MYLK: variants seen among roughly 807,000 people sequenced by gnomAD.
MYLK encodes the protein myosin light chain kinase, also known as myosin light chain kinase, smooth muscle.
A neutral mutation model predicts 203.4 loss-of-function variants in MYLK; 106 were observed. The observed-to-expected ratio is 0.52, with a 90% CI of 0.45 to 0.61. The LOEUF (loss-of-function observed/expected upper bound fraction) is 0.61. Ranked by LOEUF, MYLK falls within the 20% of genes least tolerant of loss-of-function variation. The pLI is 0.00. For missense variants in MYLK, 2,072 were observed against 2,442.3 expected (o/e 0.85, Z 3.20); for synonymous variants, 867 against 959.5 (o/e 0.90, Z 1.78).
At chr3:123,827,660 T>G (rs1298671190) in intron 3 of MYLK, among the ~76,000 whole-genome samples, 1 of 130,342 alleles carries the variant, frequency 7.7e-6, no homozygotes. Flanking sequence ...GCTCAAGGGA[T>G]TCTTACATCT....
chr3:123,776,091 G>A (rs765119521), intron 4 of MYLK, among the ~76,000 whole-genome samples: 78 of 152,242 alleles, frequency 5.1e-4, no homozygotes, highest in Non-Finnish European at 1.0e-3. Context: ...CCTCCTGACC[G>A]CTTGGTACCT....
intron 13 of MYLK, among the ~76,000 whole-genome samples, chr3:123,719,431 C>T (rs1417847718): frequency 1.3e-5 from 2 of 152,184 alleles, no homozygotes; most frequent in African/African-American, 2.4e-5. Flanking sequence ...TTTGGGAAAA[C>T]CCCTCCTCAG....
rs1320883900 is a variant in MYLK at position 123,700,761 on chromosome 3, T to G, written c.2707A>C (p.Lys903Gln). 2.5e-6 allele frequency: 4 copies of G among 1,614,160 alleles called. No individual in the cohort carries two copies. The highest frequency in any genetic ancestry group is 3.4e-6 in the Non-Finnish European group (4 of 1,180,030). ...GATAGGGTCTTTGTACTCACCTTCT[T>G]CCCCAGGAGGTCTCGGAAGTCCAGC... ...EQLDFRDLLGKKVSTKTLSED... is the reference protein window; with the variant it reads ...EQLDFRDLLGQKVSTKTLSED... The change falls in exon 18 of 34, where the codon AAG becomes CAG. Residue 903 changes from lysine to glutamine, a missense_variant. Coordinates refer to ENST00000360304, the MANE Select transcript of MYLK (RefSeq NM_053025.4).
intron 24 of MYLK, among the ~76,000 whole-genome samples, chr3:123,649,655 C>T (rs1403666830): frequency 6.6e-6 from 1 of 152,178 alleles, no homozygotes; most frequent in African/African-American, 2.4e-5. Context: ...ATCTTGAATG[C>T]CAGTTATTGT....
intron 3 of MYLK, among the ~76,000 whole-genome samples, chr3:123,797,405 CAT>C (rs1033068852): frequency 6.6e-6 from 1 of 152,106 alleles, no homozygotes; most frequent in Admixed American, 6.5e-5. Flanking sequence ...GCAGCAGTTA[CAT>C]GAGTGGGGCA....
chr3:123,714,904 T>C (rs820345), intron 13 of MYLK, among the ~76,000 whole-genome samples: 149,573 of 152,294 alleles, frequency 0.98, 73,500 homozygotes, highest in Middle Eastern at 1. Flanking sequence ...CCCAAGCAGA[T>C]TGCTGACAAG....
intron 7 of MYLK, among the ~76,000 whole-genome samples, chr3:123,738,157 G>A (rs1219674542): frequency 2.0e-5 from 3 of 151,600 alleles, no homozygotes; most frequent in African/African-American, 7.3e-5. Context: ...CTATCTCACC[G>A]ATAAGGAAAC....
chr3:123,616,956 A>C (rs2057533068), intron 33 of MYLK: 2 of 152,326 alleles, frequency 1.3e-5, no homozygotes, highest in South Asian at 4.1e-4. Context: ...TAAAAATTAT[A>C]CATAAGAAAT....
intron 3 of MYLK, among the ~76,000 whole-genome samples, chr3:123,828,869 C>A (rs992565138): frequency 3.3e-5 from 5 of 152,100 alleles, no homozygotes; most frequent in Admixed American, 6.5e-5. Flanking sequence ...CACTAATCAT[C>A]AGGGAAATAC....
intron 12 of MYLK, among the ~76,000 whole-genome samples, chr3:123,724,057 T>C (rs937685722): frequency 1.3e-5 from 2 of 152,206 alleles, no homozygotes. Context: ...GTCTATTCTT[T>C]TACTTTTTGA....
At chr3:123,883,591 A>G (rs1370342625) in intron 1 of MYLK, among the ~76,000 whole-genome samples, 2 of 152,198 alleles carry the variant, frequency 1.3e-5, no homozygotes, top group Admixed American at 6.5e-5. Flanking sequence ...TTGACAACTC[A>G]CATCTCCTGA....
At chr3:123,767,936 G>A (rs1383370511) in intron 4 of MYLK, among the ~76,000 whole-genome samples, 1 of 152,232 alleles carries the variant, frequency 6.6e-6, no homozygotes, top group Non-Finnish European at 1.5e-5. Flanking sequence ...ACTCTAGAGA[G>A]TCCTCTTCAG....
intron 24 of MYLK, among the ~76,000 whole-genome samples, chr3:123,650,735 G>A (rs2059183732): frequency 6.6e-6 from 1 of 152,160 alleles, no homozygotes; most frequent in Non-Finnish European, 1.5e-5. Flanking sequence ...TCCACATGTT[G>A]GAGAGTTAAG....
Position 123,793,773 on chromosome 3 carries a change from T to A in MYLK, c.69A>T (p.Arg23Ser), listed in dbSNP as rs146297620. The A allele has an allele frequency of 2.9e-5, 47 of 1,613,504 alleles. No homozygotes were observed. The African/African-American group carries it at 6.0e-4, about 21-fold the overall frequency. Reference sequence around the variant, plus strand: ...CCTCTGTCAGGGGCATGGAGTCAACTCTTGAGGGATCCACACTGAGGGAGG... The same window carrying A: ...CCTCTGTCAGGGGCATGGAGTCAACACTTGAGGGATCCACACTGAGGGAGG... ...SKTSLSVDPS[R>S]VDSMPLTEAP... The change falls in exon 4 of 34, where the codon AGA becomes AGT. Residue 23 changes from arginine (R) to serine (S), a missense_variant. Physicochemically the swap from Arg to Ser is moderately radical, Grantham distance 110 (BLOSUM62 -1). Transcript: ENST00000360304.
At chr3:123,769,995 C>T (rs1472842119) in intron 4 of MYLK, among the ~76,000 whole-genome samples, 6 of 152,048 alleles carry the variant, frequency 3.9e-5, no homozygotes, top group Non-Finnish European at 7.4e-5. Context: ...TACATATTGG[C>T]TGATAGAATC....
chr3:123,688,169 C>A (rs1487007493), intron 19 of MYLK, among the ~76,000 whole-genome samples: 1 of 152,064 alleles, frequency 6.6e-6, no homozygotes, highest in Non-Finnish European at 1.5e-5. Context: ...CATTCAACCC[C>A]AGGGCAGTGA....
At chr3:123,760,163 A>T (rs2063488384) in intron 4 of MYLK, among the ~76,000 whole-genome samples, 1 of 151,862 alleles carries the variant, frequency 6.6e-6, no homozygotes, top group Non-Finnish European at 1.5e-5. Flanking sequence ...TCCATGGAGA[A>T]GTATGTATGT....
At chr3:123,722,088 C>A in intron 13 of MYLK, 40 bp downstream of exon 13, 1 of 1,553,474 alleles carries the variant, frequency 6.4e-7, no homozygotes, top group African/African-American at 1.4e-5. Context: ...GAAGTGCCTG[C>A]AGGAAAGGTG....
intron 2 of MYLK, among the ~76,000 whole-genome samples, chr3:123,863,349 GA>G (rs1237375104): frequency 1.0e-3 from 4 of 4,020 alleles, no homozygotes; most frequent in Admixed American, 3.2e-3. Flanking sequence ...TTTGGACACA[GA>G]AAAAAAAATA....
Sources: gnomAD v4.1 joint callset for allele counts (sites outside exome capture counted in the v4.1 genomes callset) on GRCh38, gnomAD v4.1.1 for gene constraint, MANE v1.5 for transcripts, NCBI Gene and HGNC (gene_info 2026-07-23, HGNC 2026-07-21) for gene names.